Variants in SYDE2 observed in about 807,000 individuals in gnomAD.
SYDE2 encodes the protein rho GTPase-activating protein SYDE2.
Under a neutral mutation model 91.5 loss-of-function variants are expected in SYDE2, and 76 were observed. The ratio of observed to expected loss-of-function variants is 0.83; its 90% CI spans 0.69 to 1.01. The LOEUF (loss-of-function observed/expected upper bound fraction) is 1.01. Ranked by LOEUF, SYDE2 falls within the 50% of genes least tolerant of loss-of-function variation. The probability of loss-of-function intolerance (pLI) is 0.00; values close to 1 mark genes in which losing one functional copy is unlikely to be tolerated. For synonymous variants in SYDE2, 513 were observed against 506.4 expected, an observed-to-expected ratio of 1.01 and a Z score of -0.18; for missense variants, 1,364 against 1,367.7, an observed-to-expected ratio of 1.00 and a Z score of 0.04.
intron 5 of SYDE2, among the ~76,000 whole-genome samples, chr1:85,167,267 A>G (rs1006096809): frequency 1.3e-5 from 2 of 152,052 alleles, no homozygotes; most frequent in African/African-American, 4.8e-5. Flanking sequence ...ATGCAAACAT[A>G]TAAGGGCCTT....
At chr1:85,181,446 CA>C (rs1657917052) in intron 3 of SYDE2, 1 of 152,116 alleles carries the variant, frequency 6.6e-6, no homozygotes, top group African/African-American at 2.4e-5. Flanking sequence ...CCCCCATGCC[CA>C]GCCACTCCAT....
At position 85,182,302 on chromosome 1, in the gene SYDE2, G is replaced by T. The variant is rs762216405; in HGVS notation, c.2340C>A (p.Val780=). The change falls in exon 3 of 7, where the codon GTC becomes GTA. Residue 780 remains valine (V), a synonymous_variant. Coordinates refer to ENST00000341460, the MANE Select transcript of SYDE2 (RefSeq NM_032184.2). ...FRVTKTHQLA[V]KLEPRGLIYV... is the part of the protein sequence containing the mutation. ...AAATAAGACCTCTAGGTTCAAGTTT[G>T]ACAGCCAACTGATGAGTCTTTGTCA... is the stretch of plus-strand genomic sequence containing the variant. The T allele has an allele frequency of 1.2e-6, 2 of 1,613,646 alleles. No homozygotes were observed. The highest frequency in any genetic ancestry group is 1.3e-5 in the African/African-American group (1 of 74,912).
In SYDE2 at chr1:85,157,053, T is replaced by G. The variant is rs1431456754; in HGVS notation, c.*1697A>C. ...TCTTCTGAATTGTTAACACAAAGTTTTAAAAAATGAAAATTTCATATAAAA... is the reference window on the plus strand; with the variant it reads ...TCTTCTGAATTGTTAACACAAAGTTGTAAAAAATGAAAATTTCATATAAAA... On this transcript the variant is annotated 3_prime_UTR_variant, in exon 7 of 7. Transcript: ENST00000341460. 3 of 152,032 alleles carry G rather than the reference T, an allele frequency of 2.0e-5. No homozygotes were observed. In the East Asian group the frequency reaches 5.8e-4, roughly 29 times the overall value. 9.4% of individuals were successfully genotyped at this position (152,032 alleles called of 1,614,324 possible). A position where few individuals can be genotyped will look rare whatever the true frequency, so the allele number is the denominator to read the frequency against.
At chr1:85,179,083 T>C (rs936749300) in intron 3 of SYDE2, among the ~76,000 whole-genome samples, 2 of 152,126 alleles carry the variant, frequency 1.3e-5, no homozygotes, top group South Asian at 2.1e-4. Flanking sequence ...GATTAAGCTA[T>C]CAAAGTTCTT....
intron 1 of SYDE2, among the ~76,000 whole-genome samples, chr1:85,197,407 C>T (rs576375817): frequency 5.3e-5 from 8 of 152,064 alleles, no homozygotes; most frequent in Middle Eastern, 3.2e-3. Flanking sequence ...ATTACAAATT[C>T]TAAATGTAAT....
At chr1:85,199,873 C>T (rs746494557) in intron 1 of SYDE2, among the ~76,000 whole-genome samples, 1 of 151,936 alleles carries the variant, frequency 6.6e-6, no homozygotes, top group South Asian at 2.1e-4. Context: ...CAAAAGTCTA[C>T]GGATTTGCCT....
chr1:85,153,436 T>C (rs1219533879), downstream of SYDE2: 3 of 152,124 alleles, frequency 2.0e-5, no homozygotes, highest in Non-Finnish European at 4.4e-5. Context: ...AGCAACAGGG[T>C]TCAGATGATT....
Position 85,157,375 on chromosome 1 carries a change from A to T in SYDE2, c.*1375T>A, listed in dbSNP as rs1487648754. The T allele has an allele frequency of 6.6e-6, 1 of 152,160 alleles. No homozygotes were observed. The highest frequency in any genetic ancestry group is 2.4e-5 in the African/African-American group (1 of 41,460). The allele number at this position is 152,160 out of a possible 1,614,324, so 9.4% of individuals were successfully genotyped here. A position where few individuals can be genotyped will look rare whatever the true frequency, so the allele number is the denominator to read the frequency against. On this transcript the variant is annotated 3_prime_UTR_variant, in exon 7 of 7. Coordinates refer to ENST00000341460, the MANE Select transcript of SYDE2 (RefSeq NM_032184.2). ...AACATTGTATATATACTTAGCCAAA[A>T]TAAGTTAATTTTTAAAAATCAGTAA...
chr1:85,168,863 T>C (rs1297524866), intron 5 of SYDE2, among the ~76,000 whole-genome samples, 181 bp downstream of exon 5: 1 of 152,198 alleles, frequency 6.6e-6, no homozygotes, highest in Admixed American at 6.5e-5. Flanking sequence ...AAAACTGTTT[T>C]CTAGATTTAT....
chr1:85,192,024 T>G (rs1222221111), intron 1 of SYDE2, among the ~76,000 whole-genome samples: 1 of 150,642 alleles, frequency 6.6e-6, no homozygotes, highest in African/African-American at 2.4e-5. Context: ...TTCTAAATTA[T>G]GGAATTATAT....
chr1:85,155,688 TAGAA>T (rs920945838), downstream of SYDE2, among the ~76,000 whole-genome samples: 7 of 152,120 alleles, frequency 4.6e-5, no homozygotes, highest in Non-Finnish European at 1.0e-4. Context: ...GATAGATACA[TAGAA>T]GGAGATAAAT....
At chr1:85,197,621 G>C (rs1170072218) in intron 1 of SYDE2, among the ~76,000 whole-genome samples, 1 of 152,016 alleles carries the variant, frequency 6.6e-6, no homozygotes, top group Non-Finnish European at 1.5e-5. Flanking sequence ...AGTTTAAAAT[G>C]AATACAGCAA....
rs1459379562 is a variant in SYDE2 at position 85,190,243 on chromosome 1, T to A, written c.1255A>T (p.Thr419Ser). Residue 419 changes from threonine (T) to serine (S), a missense_variant, in exon 2 of 7, where the codon ACT (threonine) becomes TCT (serine). By Grantham distance (58) the Thr-to-Ser change is moderately conservative. Coordinates refer to ENST00000341460, the MANE Select transcript of SYDE2 (RefSeq NM_032184.2). ...GSDLMKAERH[T>S]EDSLCSSEHA... The stretch of plus-strand genomic sequence containing the variant: ...TCGGAAGAGCACAGTGAGTCTTCAG[T>A]ATGCCGCTCTGCTTTCATCAGGTCA... The A allele has an allele frequency of 1.2e-6, 2 of 1,613,822 alleles. No homozygotes were observed. The highest frequency in any genetic ancestry group is 2.7e-5 in the African/African-American group (2 of 74,898).
At chr1:85,170,410 A>T (rs980646764) in intron 4 of SYDE2, among the ~76,000 whole-genome samples, 5 of 152,166 alleles carry the variant, frequency 3.3e-5, no homozygotes, top group Admixed American at 2.0e-4. Context: ...TAAATATTTA[A>T]TAGTAACATG....
intron 2 of SYDE2, among the ~76,000 whole-genome samples, chr1:85,187,335 C>A (rs1014278603): frequency 7.2e-5 from 11 of 152,178 alleles, no homozygotes; most frequent in South Asian, 4.2e-4. Flanking sequence ...CATACCAGTT[C>A]GAATGGCAAT....
chr1:85,171,536 G>GT (rs1242804013), intron 4 of SYDE2, among the ~76,000 whole-genome samples: 2 of 152,062 alleles, frequency 1.3e-5, no homozygotes, highest in Non-Finnish European at 2.9e-5. Flanking sequence ...AGAGAACAGT[G>GT]TTTTTTCAAA....
At chr1:85,155,022 AAAAG>A (rs1224741270), downstream of SYDE2, among the ~76,000 whole-genome samples, 9 of 149,550 alleles carry the variant, frequency 6.0e-5, no homozygotes, top group African/African-American at 2.0e-4. Context: ...AAAAAAAAAA[AAAAG>A]AAAAGAAAAA....
intron 1 of SYDE2, among the ~76,000 whole-genome samples, chr1:85,195,485 C>G (rs1033906839): frequency 1.3e-5 from 2 of 151,458 alleles, no homozygotes; most frequent in Non-Finnish European, 2.9e-5. Flanking sequence ...CTAGACAAAT[C>G]TAAAAGGAGG....
In SYDE2 at chr1:85,169,110, A is replaced by G. The variant is rs1222315125; in HGVS notation, c.2787T>C (p.Cys929=). 2 of 1,613,084 alleles carry G rather than the reference A, an allele frequency of 1.2e-6. No homozygotes were observed. Among genetic ancestry groups the G allele is most frequent in the African/African-American group, 2.7e-5 (2 of 74,908 alleles). ...KSPLKMSSNG[C]ENDPGDSKYT... ...ACTTAGAGTCACCTGGGTCATTCTC[A>G]CAACCATTTGATGACATTTTCAAAG... Residue 929 remains cysteine, a synonymous_variant, in exon 5 of 7, where the codon TGT becomes TGC. Transcript: ENST00000341460.
Sources: gnomAD v4.1 joint callset for allele counts (sites outside exome capture counted in the v4.1 genomes callset) on GRCh38, gnomAD v4.1.1 for gene constraint, MANE v1.5 for transcripts, NCBI Gene and HGNC (gene_info 2026-07-23, HGNC 2026-07-21) for gene names.